The following DLG2 variants were observed in gnomAD, a reference collection of about 807,000 sequenced individuals.
The protein encoded by DLG2 is discs large MAGUK scaffold protein 2, also known as disks large homolog 2.
In DLG2, 45 loss-of-function variants were observed where a neutral mutation model predicts 132.5. The observed-to-expected ratio is 0.34, with a 90% CI of 0.27 to 0.44. The LOEUF is 0.44. DLG2 is among the 20% of genes least tolerant of loss of function. DLG2 has a pLI of 1.00. For synonymous variants in DLG2, 424 were observed against 419.6 expected (o/e 1.01, Z -0.13); for missense variants, 1,045 against 1,196.9 (o/e 0.87, Z 1.87).
intron 18 of DLG2, among the ~76,000 whole-genome samples, chr11:83,728,000 A>T (rs2090332381): frequency 6.6e-6 from 1 of 152,196 alleles, no homozygotes; most frequent in East Asian, 1.9e-4. Context: ...GTGGTATCAC[A>T]ATTGTAGTGA....
At chr11:83,526,157 G>A (rs1011145335) in intron 21 of DLG2, among the ~76,000 whole-genome samples, 1 of 152,144 alleles carries the variant, frequency 6.6e-6, no homozygotes, top group Non-Finnish European at 1.5e-5. Context: ...GCTCTTAAAG[G>A]GAGCGTAAGG....
chr11:83,560,758 T>A (rs536038864), intron 19 of DLG2, among the ~76,000 whole-genome samples: 37 of 152,240 alleles, frequency 2.4e-4, no homozygotes, highest in African/African-American at 8.4e-4. Context: ...GAAGGTAAAG[T>A]CAAGAGGGGG....
chr11:84,862,093 G>C (rs958919306), intron 6 of DLG2, among the ~76,000 whole-genome samples: 1 of 151,342 alleles, frequency 6.6e-6, no homozygotes, highest in Non-Finnish European at 1.5e-5. Flanking sequence ...GCTAGATGAC[G>C]AGTTAGTGCG....
chr11:84,720,461 T>G, intron 6 of DLG2: 1 of 985,224 alleles, frequency 1.0e-6, no homozygotes, highest in Non-Finnish European at 1.2e-6. Flanking sequence ...GCCGGGCACA[T>G]GGAGCGACAG....
intron 3 of DLG2, among the ~76,000 whole-genome samples, chr11:85,322,911 C>A (rs2081180111): frequency 6.6e-6 from 1 of 152,208 alleles, no homozygotes; most frequent in Non-Finnish European, 1.5e-5. Flanking sequence ...GCCTATGATT[C>A]CTGTTTCTAC....
intron 14 of DLG2, among the ~76,000 whole-genome samples, chr11:83,933,508 C>CTT (rs2080806092): frequency 6.6e-6 from 1 of 152,150 alleles, no homozygotes; most frequent in Non-Finnish European, 1.5e-5. Context: ...TTTATAATTG[C>CTT]AGGTTCTTAT....
chr11:83,687,467 A>G (rs868216765), intron 18 of DLG2, among the ~76,000 whole-genome samples: 1 of 152,178 alleles, frequency 6.6e-6, no homozygotes, highest in South Asian at 2.1e-4. Context: ...GCAGACTGAG[A>G]AAAGGAAGTA....
chr11:83,660,679 CAT>C (rs920025871), intron 18 of DLG2, among the ~76,000 whole-genome samples: 3 of 152,104 alleles, frequency 2.0e-5, no homozygotes, highest in Admixed American at 2.0e-4. Flanking sequence ...CACACACTAA[CAT>C]GTAAGGTGAC....
intron 6 of DLG2, among the ~76,000 whole-genome samples, chr11:84,975,897 T>C (rs1019468308): frequency 2.6e-4 from 39 of 152,274 alleles, no homozygotes; most frequent in East Asian, 1.4e-3. Flanking sequence ...TCTCATCTTA[T>C]TCTTCAGCTC....
chr11:84,120,869 G>T (rs1430459582), intron 9 of DLG2, among the ~76,000 whole-genome samples: 2 of 152,078 alleles, frequency 1.3e-5, no homozygotes, highest in African/African-American at 4.8e-5. Flanking sequence ...GTATTCTTTC[G>T]AATAACTATA....
At chr11:83,541,296 C>T (rs1005282034) in intron 20 of DLG2, among the ~76,000 whole-genome samples, 1 of 152,086 alleles carries the variant, frequency 6.6e-6, no homozygotes, top group Admixed American at 6.5e-5. Context: ...ACTTCATTTG[C>T]CTTCGACTTG....
intron 6 of DLG2, among the ~76,000 whole-genome samples, chr11:84,666,390 T>C (rs1192851715): frequency 1.3e-5 from 2 of 152,188 alleles, no homozygotes; most frequent in Non-Finnish European, 1.5e-5. Flanking sequence ...AGACATTGAT[T>C]CTGTAGATTT....
chr11:84,534,678 T>A lies in DLG2; in HGVS notation c.411A>T (p.Leu137=). The change falls in exon 7 of 28, where the codon CTA becomes CTT. Residue 137 remains leucine (L), a synonymous_variant. Coordinates refer to ENST00000376104, the MANE Select transcript of DLG2 (RefSeq NM_001142699.3). ...GTTCTGGGCCTCTTACTTCGTGGGT[T>A]AGTCGAGGTAAGGAATGATCATGTG... ...DAPHDHSLPR[L]THEVRGPELV... 1 of 1,614,094 alleles carries A rather than the reference T, an allele frequency of 6.2e-7. No individual in the cohort carries two copies. Among genetic ancestry groups the A allele is most frequent in the Non-Finnish European group, 8.5e-7 (1 of 1,179,934 alleles).
Position 85,165,608 on chromosome 11 carries a change from T to C in DLG2, c.187-10957A>G, listed in dbSNP as rs190336034. On this transcript the variant is annotated intron_variant, in intron 4 of 27. Transcript: ENST00000376104. ...AGCTCCTTTCTGCCTGTAAGGTCAA[T>C]AGGCTCTGCTCAGCTCATCAGAACA... is the stretch of plus-strand genomic sequence containing the variant. 3.4e-3 allele frequency among the ~76,000 whole-genome samples: 524 copies of C among 152,306 alleles called. 3 individuals carry two copies. Among genetic ancestry groups the C allele is most frequent in the Non-Finnish European group, 5.5e-3 (372 of 68,014 alleles).
chr11:84,639,712 C>T (rs905320891), intron 6 of DLG2, among the ~76,000 whole-genome samples: 11 of 152,106 alleles, frequency 7.2e-5, no homozygotes, highest in Admixed American at 6.5e-4. Flanking sequence ...GACAATCACA[C>T]ATGGGCCCTG....
intron 12 of DLG2, among the ~76,000 whole-genome samples, chr11:83,979,610 T>C (rs1313786457): frequency 2.6e-5 from 4 of 152,184 alleles, no homozygotes. Flanking sequence ...TGTGTCAATG[T>C]CAATCACTGC....
At chr11:85,533,345 T>C (rs2075348497) in intron 3 of DLG2, among the ~76,000 whole-genome samples, 2 of 151,646 alleles carry the variant, frequency 1.3e-5, no homozygotes, top group Admixed American at 6.6e-5. Flanking sequence ...TTTATTGTGA[T>C]TTTTTTTAAC....
At chr11:83,893,658 A>G (rs892893911) in intron 15 of DLG2, among the ~76,000 whole-genome samples, 2 of 152,166 alleles carry the variant, frequency 1.3e-5, no homozygotes, top group African/African-American at 4.8e-5. Context: ...TATTGGTTCA[A>G]TTTTGTATTT....
chr11:84,838,098 A>G (rs1378655194), intron 6 of DLG2, among the ~76,000 whole-genome samples: 1 of 151,938 alleles, frequency 6.6e-6, no homozygotes, highest in Non-Finnish European at 1.5e-5. Flanking sequence ...GGGAAATAAA[A>G]CAAAGCAATA....
Sources: allele counts gnomAD v4.1 joint callset (sites outside exome capture counted in the v4.1 genomes callset), GRCh38; gene constraint gnomAD v4.1.1; transcripts MANE v1.5; gene names NCBI Gene and HGNC (gene_info 2026-07-23, HGNC 2026-07-21).